The following APBB2 variants were observed in gnomAD, a reference collection of about 807,000 sequenced individuals.
The protein encoded by APBB2 is Fe65-like 1.
APBB2 carries 38 observed loss-of-function variants against 82.5 expected under a neutral mutation model. The observed-to-expected ratio is 0.46, with a 90% confidence interval of 0.36 to 0.60. The LOEUF (loss-of-function observed/expected upper bound fraction) is 0.60. Ranked by LOEUF, APBB2 falls within the 20% of genes least tolerant of loss-of-function variation. APBB2 has a pLI of 0.00. For synonymous variants in APBB2, 341 were observed against 368.2 expected, an observed-to-expected ratio of 0.93 and a Z score of 0.85; for missense variants, 772 against 972.3, an observed-to-expected ratio of 0.79 and a Z score of 2.74.
At chr4:40,941,534 C>A (rs1412448826) in intron 7 of APBB2, among the ~76,000 whole-genome samples, 2 of 152,158 alleles carry the variant, frequency 1.3e-5, no homozygotes, top group African/African-American at 4.8e-5. Flanking sequence ...GTGTGTCTTG[C>A]CCAAACTCCT....
intron 12 of APBB2, among the ~76,000 whole-genome samples, chr4:40,868,591 A>G (rs948042454): frequency 3.3e-5 from 5 of 152,202 alleles, no homozygotes; most frequent in African/African-American, 1.2e-4. Context: ...GATTGCACTG[A>G]TGATAAATTA....
At chr4:40,927,708 C>G (rs1782984072) in intron 10 of APBB2, among the ~76,000 whole-genome samples, 1 of 152,148 alleles carries the variant, frequency 6.6e-6, no homozygotes. Flanking sequence ...TCTCGAACTC[C>G]TGGGCTCAAG....
intron 16 of APBB2, among the ~76,000 whole-genome samples, chr4:40,822,880 T>C (rs975995875): frequency 4.0e-5 from 6 of 151,752 alleles, no homozygotes; most frequent in Non-Finnish European, 5.9e-5. Context: ...GGGTGGAGCA[T>C]GGAGGGTGCA....
At chr4:40,883,714 A>G (rs1306760093) in intron 12 of APBB2, among the ~76,000 whole-genome samples, 1 of 150,438 alleles carries the variant, frequency 6.6e-6, no homozygotes, top group African/African-American at 2.4e-5. Context: ...GACTGCCAAA[A>G]AAAAAAAAAA....
At chr4:40,964,355 G>A (rs1794062829) in intron 6 of APBB2, among the ~76,000 whole-genome samples, 1 of 152,094 alleles carries the variant, frequency 6.6e-6, no homozygotes, top group South Asian at 2.1e-4. Flanking sequence ...TCACCTACCT[G>A]TCATCTGATT....
intron 1 of APBB2, among the ~76,000 whole-genome samples, chr4:41,187,508 G>C (rs78797087): frequency 6.6e-6 from 1 of 152,104 alleles, no homozygotes; most frequent in East Asian, 1.9e-4. Context: ...AATTCAGAAG[G>C]CTTTGTTATC....
intron 1 of APBB2, among the ~76,000 whole-genome samples, chr4:41,205,208 G>C (rs1251934928): frequency 1.3e-5 from 2 of 152,168 alleles, no homozygotes. Flanking sequence ...ATAATGTTGT[G>C]ACCCAATTAC....
intron 2 of APBB2, among the ~76,000 whole-genome samples, chr4:41,112,462 G>GC (rs1560783696): frequency 6.6e-6 from 1 of 152,180 alleles, no homozygotes. Flanking sequence ...GCCTGGCAGC[G>GC]CCCTGCACAC....
intron 10 of APBB2, among the ~76,000 whole-genome samples, chr4:40,924,213 C>T (rs59237307): frequency 6.6e-6 from 1 of 152,334 alleles, no homozygotes; most frequent in East Asian, 1.9e-4. Flanking sequence ...GGCTGAATCT[C>T]ATTCAGCCAG....
At chr4:41,066,394 A>G (rs1731824742) in intron 3 of APBB2, among the ~76,000 whole-genome samples, 1 of 152,196 alleles carries the variant, frequency 6.6e-6, no homozygotes, top group South Asian at 2.1e-4. Flanking sequence ...AACACCTACT[A>G]TACACCCAGC....
chr4:41,102,178 C>T (rs904800251), intron 2 of APBB2, among the ~76,000 whole-genome samples: 4 of 152,122 alleles, frequency 2.6e-5, no homozygotes, highest in Non-Finnish European at 5.9e-5. Flanking sequence ...CACTCATTTA[C>T]AAGCCACAGG....
At chr4:40,822,541 A>G (rs1422516480) in intron 16 of APBB2, 2 of 153,026 alleles carry the variant, frequency 1.3e-5, no homozygotes, top group African/African-American at 4.8e-5. Flanking sequence ...TGCCAAATCA[A>G]CAAAAAGTTG....
At chr4:41,170,055 T>C (rs1400303830) in intron 1 of APBB2, among the ~76,000 whole-genome samples, 8 of 152,180 alleles carry the variant, frequency 5.3e-5, no homozygotes, top group Non-Finnish European at 1.5e-5. Flanking sequence ...ATACCCCCTC[T>C]AAATAATCAG....
At chr4:40,948,099 A>C (rs1201711478) in intron 6 of APBB2, among the ~76,000 whole-genome samples, 1 of 152,232 alleles carries the variant, frequency 6.6e-6, no homozygotes, top group Non-Finnish European at 1.5e-5. Context: ...ATAAAAAAAA[A>C]TATAATACAA....
intron 1 of APBB2, among the ~76,000 whole-genome samples, chr4:41,172,800 G>A (rs1768682724): frequency 6.6e-6 from 1 of 152,192 alleles, no homozygotes; most frequent in Admixed American, 6.5e-5. Context: ...CCTGATGGAA[G>A]GGGGAAAAGT....
intron 10 of APBB2, among the ~76,000 whole-genome samples, chr4:40,903,049 G>C (rs1202549592): frequency 1.3e-5 from 2 of 152,118 alleles, no homozygotes; most frequent in Non-Finnish European, 2.9e-5. Context: ...AGGCTGAGGT[G>C]GGAGGATCAC....
chr4:40,846,469 C>T (rs1051216778), intron 12 of APBB2, among the ~76,000 whole-genome samples: 5 of 152,054 alleles, frequency 3.3e-5, no homozygotes, highest in African/African-American at 4.8e-5. Context: ...TGAAAGGCCT[C>T]TGAACTGAAA....
chr4:40,897,425 A>C (rs1249947852), intron 10 of APBB2, among the ~76,000 whole-genome samples: 2 of 152,142 alleles, frequency 1.3e-5, no homozygotes, highest in East Asian at 3.9e-4. Flanking sequence ...AATCGTGGCA[A>C]AAGAATCGTT....
intron 12 of APBB2, among the ~76,000 whole-genome samples, chr4:40,873,821 A>G (rs954184749): frequency 1.3e-5 from 2 of 152,188 alleles, no homozygotes; most frequent in African/African-American, 2.4e-5. Flanking sequence ...TTACAGGGGG[A>G]AAAAACCCGC....
Sources: gnomAD v4.1 joint callset for allele counts (sites outside exome capture counted in the v4.1 genomes callset) on GRCh38, gnomAD v4.1.1 for gene constraint, MANE v1.5 for transcripts, NCBI Gene and HGNC (gene_info 2026-07-23, HGNC 2026-07-21) for gene names.